RBFOX2: variants seen among roughly 807,000 people sequenced by gnomAD.
RBFOX2 encodes RNA binding protein fox-1 homolog 2.
In RBFOX2, 10 loss-of-function variants were observed where a neutral mutation model predicts 49.1. The observed-to-expected ratio is 0.20, with a 90% CI of 0.13 to 0.35. RBFOX2 has a LOEUF of 0.35. Among genes scored for constraint, RBFOX2 ranks in the 10% least tolerant of loss-of-function variants. The pLI is 1.00. For missense variants in RBFOX2, 323 were observed against 486.9 expected (o/e 0.66, Z 3.17); for synonymous variants, 183 against 187.4 (o/e 0.98, Z 0.19).
intron 1 of RBFOX2, among the ~76,000 whole-genome samples, chr22:35,820,670 T>C (rs949131959): frequency 2.6e-5 from 4 of 152,194 alleles, no homozygotes; most frequent in South Asian, 2.1e-4. Context: ...TGTATCCCAG[T>C]GGCTGCCTTA....
intron 1 of RBFOX2, among the ~76,000 whole-genome samples, chr22:35,986,030 G>GA (rs1250360953): frequency 1.3e-5 from 2 of 152,156 alleles, no homozygotes; most frequent in African/African-American, 4.8e-5. Flanking sequence ...CCTGGATAAT[G>GA]AAAAGACCAA....
chr22:35,790,368 C>T (rs1162836810), intron 2 of RBFOX2, among the ~76,000 whole-genome samples: 2 of 152,146 alleles, frequency 1.3e-5, no homozygotes, highest in Non-Finnish European at 2.9e-5. Context: ...ATGTGGTTAT[C>T]ATCTAATGGC....
intron 1 of RBFOX2, chr22:35,993,031 T>C (rs1310814537): frequency 1.3e-5 from 2 of 152,224 alleles, no homozygotes; most frequent in Non-Finnish European, 2.9e-5. Context: ...AATACAATAC[T>C]GGTTTTAACA....
chr22:35,822,541 T>C (rs1603301451), intron 1 of RBFOX2, among the ~76,000 whole-genome samples: 1 of 152,210 alleles, frequency 6.6e-6, no homozygotes, highest in African/African-American at 2.4e-5. Context: ...TTAGCTAGTA[T>C]GAGTTTCCTC....
At chr22:35,809,790 C>T (rs753303825) in exon 2 of RBFOX2, 1 of 1,613,848 alleles carries the variant, frequency 6.2e-7, no homozygotes, top group Non-Finnish European at 8.5e-7. Flanking sequence ...CGTAAGAGAT[C>T]CATTTTGTGT....
At chr22:36,014,877 A>T (rs1216170289) in intron 1 of RBFOX2, among the ~76,000 whole-genome samples, 1 of 152,200 alleles carries the variant, frequency 6.6e-6, no homozygotes, top group South Asian at 2.1e-4. Context: ...CACTTAACAC[A>T]CTTTAATGCT....
At chr22:35,954,257 A>G (rs1781328756) in intron 1 of RBFOX2, among the ~76,000 whole-genome samples, 1 of 152,194 alleles carries the variant, frequency 6.6e-6, no homozygotes, top group South Asian at 2.1e-4. Flanking sequence ...AAAAATGGAG[A>G]TAATAACAAC....
At chr22:35,990,519 G>T (rs763977648) in intron 1 of RBFOX2, among the ~76,000 whole-genome samples, 1 of 152,154 alleles carries the variant, frequency 6.6e-6, no homozygotes, top group Non-Finnish European at 1.5e-5. Context: ...GTCTTAATGA[G>T]AAAATGAGAC....
At chr22:36,010,059 A>C (rs2058757164) in intron 1 of RBFOX2, among the ~76,000 whole-genome samples, 1 of 151,982 alleles carries the variant, frequency 6.6e-6, no homozygotes, top group African/African-American at 2.4e-5. Context: ...GATGCTGGCC[A>C]GACCTCTAAA....
At chr22:36,023,718 T>A (rs981568659) in intron 1 of RBFOX2, among the ~76,000 whole-genome samples, 9 of 152,224 alleles carry the variant, frequency 5.9e-5, no homozygotes, top group Non-Finnish European at 1.2e-4. Context: ...TACATCAGCT[T>A]TCCAGTTGAG....
chr22:35,939,159 T>C, upstream of RBFOX2: 1 of 639,464 alleles, frequency 1.6e-6, no homozygotes, highest in Non-Finnish European at 2.9e-6. Flanking sequence ...CTTTCCAGTA[T>C]ATCTTAGGCA....
At chr22:35,795,493 C>T (rs753539025) in intron 2 of RBFOX2, among the ~76,000 whole-genome samples, 5 of 151,960 alleles carry the variant, frequency 3.3e-5, no homozygotes, top group Admixed American at 1.3e-4. Flanking sequence ...TTCTTGGCTA[C>T]GTTTTAGTGC....
chr22:35,776,317 T>C (rs1569047439), intron 4 of RBFOX2, among the ~76,000 whole-genome samples: 2 of 152,242 alleles, frequency 1.3e-5, no homozygotes, highest in Non-Finnish European at 1.5e-5. Context: ...CTTTAAAAAA[T>C]ACTTACCAAG....
intron 9 of RBFOX2, chr22:35,752,746 T>C (rs1371893845): frequency 1.0e-5 from 6 of 581,886 alleles, no homozygotes; most frequent in Non-Finnish European, 1.3e-5. Context: ...CCCACCAGCC[T>C]TTTCTTTCCT....
At chr22:36,000,590 A>G (rs1405895001) in intron 1 of RBFOX2, 1 of 152,176 alleles carries the variant, frequency 6.6e-6, no homozygotes, top group Non-Finnish European at 1.5e-5. Context: ...GGATGGAATG[A>G]AGAAAGAAAA....
chr22:35,770,686 T>C (rs1431196981), intron 4 of RBFOX2, among the ~76,000 whole-genome samples: 1 of 152,174 alleles, frequency 6.6e-6, no homozygotes, highest in Non-Finnish European at 1.5e-5. Context: ...CCTTCTTTTC[T>C]GAAATGTGTT....
intron 1 of RBFOX2, among the ~76,000 whole-genome samples, chr22:35,986,087 T>G (rs1334304678): frequency 1.3e-5 from 2 of 152,136 alleles, no homozygotes; most frequent in Non-Finnish European, 2.9e-5. Context: ...CCGCTATATT[T>G]TTAGTAATCT....
At position 35,809,838 on chromosome 22, in the gene RBFOX2, G is replaced by A. The variant is rs779107559; in HGVS notation, c.194C>T (p.Thr65Met). The A allele has an allele frequency of 6.2e-6, 10 of 1,613,910 alleles. No individual in the cohort carries two copies. The Admixed American group carries it at 1.5e-4, about 24-fold the overall frequency. The stretch of plus-strand genomic sequence containing the variant: ...GCTGCTCTGCTCCCCGTGGGCTTGC[G>A]TACTTCCGTAGAGTGTCAGGTTATG... The change falls in exon 2 of 12, where the codon ACG (threonine) becomes ATG (methionine). Residue 65 changes from threonine to methionine, a missense_variant. Around this residue, in one of 2 missense-constraint regions of RBFOX2, gnomAD observed 123 missense variants for 116.9 expected, o/e 1.05. Transcript: ENST00000405409.
chr22:35,919,853 T>C (rs781143177), intron 1 of RBFOX2, among the ~76,000 whole-genome samples: 1 of 152,248 alleles, frequency 6.6e-6, no homozygotes, highest in Non-Finnish European at 1.5e-5. Context: ...ATTCCCATCC[T>C]CTGCTCACTG....
Sources: gnomAD v4.1 joint callset for allele counts (sites outside exome capture counted in the v4.1 genomes callset) on GRCh38, gnomAD v4.1.1 for gene constraint, gnomAD v4.1.1 regional missense constraint, MANE v1.5 for transcripts, NCBI Gene and HGNC (gene_info 2026-07-23, HGNC 2026-07-21) for gene names.